Variants in BEND7 observed in about 807,000 individuals in gnomAD.
BEND7 encodes BEN domain containing 7, also known as BEN domain-containing protein 7.
A neutral mutation model predicts 50.9 loss-of-function variants in BEND7; 28 were observed. The observed-to-expected ratio is 0.55, with a 90% CI of 0.41 to 0.75. BEND7 has a LOEUF of 0.75. Ranked by LOEUF, BEND7 falls within the 30% of genes least tolerant of loss-of-function variation. The probability of loss-of-function intolerance (pLI) is 0.00; values close to 1 mark genes in which losing one functional copy is unlikely to be tolerated. For synonymous variants in BEND7, 170 were observed against 183.9 expected, an observed-to-expected ratio of 0.92 and a Z score of 0.61; for missense variants, 477 against 491.3, an observed-to-expected ratio of 0.97 and a Z score of 0.28.
chr10:13,463,637 G>GA (rs1364889189), intron 6 of BEND7, among the ~76,000 whole-genome samples: 2 of 150,198 alleles, frequency 1.3e-5, no homozygotes, highest in Admixed American at 6.6e-5. Context: ...AACTTTGTTG[G>GA]AAAAAAAAAT....
intron 6 of BEND7, among the ~76,000 whole-genome samples, chr10:13,477,557 G>A (rs1267683940): frequency 6.6e-6 from 1 of 152,158 alleles, no homozygotes; most frequent in Non-Finnish European, 1.5e-5. Flanking sequence ...AAATCGCTTC[G>A]TATTGTAACG....
chr10:13,470,253 T>C (rs1369934184), intron 6 of BEND7, among the ~76,000 whole-genome samples: 1 of 152,250 alleles, frequency 6.6e-6, no homozygotes, highest in Non-Finnish European at 1.5e-5. Context: ...GAAAGGTGTC[T>C]TTCCTCAAGA....
At chr10:13,444,275 T>C (rs146476842) in intron 8 of BEND7, 1 of 152,296 alleles carries the variant, frequency 6.6e-6, no homozygotes, top group East Asian at 1.9e-4. Flanking sequence ...GAAACTAAAA[T>C]AGATGCACTA....
chr10:13,500,366 G>C, intron 2 of BEND7: 1 of 483,594 alleles, frequency 2.1e-6, no homozygotes, highest in Non-Finnish European at 3.1e-6. Context: ...TTCCCTCTTT[G>C]GAAGCATTTT....
In BEND7 at chr10:13,492,096, T is replaced by C. The variant is rs538614771; in HGVS notation, c.837+515A>G. On this transcript the variant is annotated intron_variant, in intron 5 of 8. Coordinates refer to ENST00000466271, the MANE Select transcript of BEND7 (RefSeq NM_001369863.1). ...CTGTGATATTAAAATAGAAAAACCT[T>C]TGCAGAGCCTTAACCTATCATTACA... 2.0e-5 allele frequency among the ~76,000 whole-genome samples: 3 copies of C among 152,182 alleles called. No individual in the cohort carries two copies. In the South Asian group the frequency reaches 6.2e-4, roughly 32 times the overall value.
chr10:13,454,999 C>G lies in BEND7; in HGVS notation c.1064-2341G>C, dbSNP rs1444507935. Among the ~76,000 whole-genome samples the G allele has an allele frequency of 2.0e-5, 3 of 152,114 alleles. No homozygotes were observed. The East Asian group carries it at 5.8e-4, about 29-fold the overall frequency. ...CCAGCCTGGCCAACACAGTGAAACC[C>G]CATCTCTACTAAAAATAAAAACATT... On this transcript the variant is annotated intron_variant, in intron 6 of 8. Coordinates refer to ENST00000466271, the MANE Select transcript of BEND7 (RefSeq NM_001369863.1).
At chr10:13,469,736 A>G (rs2074619437) in intron 6 of BEND7, among the ~76,000 whole-genome samples, 1 of 152,150 alleles carries the variant, frequency 6.6e-6, no homozygotes, top group Non-Finnish European at 1.5e-5. Context: ...CAACCTCCCA[A>G]AGTGCTGGGA....
In BEND7 at chr10:13,499,765, T is replaced by C. The variant is rs748440563; in HGVS notation, c.448+13A>G. The C allele has an allele frequency of 3.3e-5, 52 of 1,586,642 alleles. No individual in the cohort carries two copies. The highest frequency in any genetic ancestry group is 3.9e-5 in the Non-Finnish European group (45 of 1,162,592). On this transcript the variant is annotated intron_variant, in intron 3 of 8. Coordinates refer to ENST00000466271, the MANE Select transcript of BEND7 (RefSeq NM_001369863.1). ...CCCATGAGAGCCTTCTGAATGTTTG[T>C]TGACAACCATACCATTGGAGCTCGT...
At position 13,441,441 on chromosome 10, in the gene BEND7, C is replaced by T; in HGVS notation, c.*302G>A. 1.8e-6 allele frequency: 2 copies of T among 1,124,882 alleles called. No individual in the cohort carries two copies. Among genetic ancestry groups the T allele is most frequent in the South Asian group, 4.2e-5 (1 of 23,916 alleles). 69.7% of individuals were successfully genotyped at this position (1,124,882 alleles called of 1,614,324 possible). ...CGTATTTCCAGTGTGTAGATCCGTT[C>T]ATCGCACACATCTTTGGGTTGAACA... On this transcript the variant is annotated 3_prime_UTR_variant, in exon 9 of 9. Coordinates refer to ENST00000466271, the MANE Select transcript of BEND7 (RefSeq NM_001369863.1).
At chr10:13,463,189 G>C (rs900993071) in intron 6 of BEND7, among the ~76,000 whole-genome samples, 32 of 69,510 alleles carry the variant, frequency 4.6e-4, no homozygotes, top group Admixed American at 6.9e-4. Flanking sequence ...ATGAACAGCA[G>C]AATATAAAAT....
intron 8 of BEND7, chr10:13,446,003 T>G (rs912760259): frequency 6.6e-6 from 1 of 152,186 alleles, no homozygotes; most frequent in Admixed American, 6.5e-5. Context: ...TGCCCTGATA[T>G]TCAGAGAATG....
chr10:13,512,143 T>C (rs141211424), intron 2 of BEND7, among the ~76,000 whole-genome samples: 2 of 152,114 alleles, frequency 1.3e-5, no homozygotes, highest in Non-Finnish European at 2.9e-5. Flanking sequence ...AGTTGGAAAT[T>C]TGTACTTGGG....
intron 2 of BEND7, among the ~76,000 whole-genome samples, chr10:13,510,843 G>A (rs1012305957): frequency 6.6e-6 from 1 of 152,100 alleles, no homozygotes; most frequent in African/African-American, 2.4e-5. Flanking sequence ...TGGTAATAGT[G>A]GTTATCACTG....
chr10:13,502,449 C>T (rs931056518), intron 2 of BEND7, among the ~76,000 whole-genome samples: 1 of 152,016 alleles, frequency 6.6e-6, no homozygotes. Context: ...GTGAAAATTA[C>T]AATATATAAA....
In BEND7 at chr10:13,492,675, T is replaced by C. The variant is rs2076747766; in HGVS notation, c.773A>G (p.His258Arg). Residue 258 changes from histidine to arginine, a missense_variant, in exon 5 of 9, where the codon CAC (histidine) becomes CGC (arginine). His to Arg is a conservative substitution (Grantham distance 29). Coordinates refer to ENST00000466271, the MANE Select transcript of BEND7 (RefSeq NM_001369863.1). ...AACGCGGCTCTCCTCCGGGGAGGTG[T>C]GCTCGGCTGCCTGGAGAGCAGATAG... ...SELSALQAAE[H>R]TSPEESRVLG... The C allele has an allele frequency of 1.2e-6, 2 of 1,614,080 alleles. No individual in the cohort carries two copies. Among genetic ancestry groups the C allele is most frequent in the African/African-American group, 2.7e-5 (2 of 74,938 alleles).
At chr10:13,458,067 T>C (rs1163814541) in intron 6 of BEND7, among the ~76,000 whole-genome samples, 1 of 152,256 alleles carries the variant, frequency 6.6e-6, no homozygotes, top group African/African-American at 2.4e-5. Context: ...CTGCTTAGTA[T>C]AATTTGAGTT....
At chr10:13,497,812 G>A (rs1185365092) in intron 3 of BEND7, among the ~76,000 whole-genome samples, 1 of 152,128 alleles carries the variant, frequency 6.6e-6, no homozygotes, top group African/African-American at 2.4e-5. Flanking sequence ...AGCAAGGTAA[G>A]TTCCATGGTT....
intron 7 of BEND7, among the ~76,000 whole-genome samples, chr10:13,451,030 T>A (rs1249532173): frequency 6.6e-6 from 1 of 151,952 alleles, no homozygotes; most frequent in Non-Finnish European, 1.5e-5. Flanking sequence ...GGTCTCAGCA[T>A]CTGACAATAG....
At chr10:13,511,980 C>T (rs570087591) in intron 2 of BEND7, among the ~76,000 whole-genome samples, 33 of 152,256 alleles carry the variant, frequency 2.2e-4, no homozygotes, top group African/African-American at 7.7e-4. Flanking sequence ...CACAACAAGA[C>T]GTGGGTGCCG....
Sources: gnomAD v4.1 joint callset for allele counts (sites outside exome capture counted in the v4.1 genomes callset) on GRCh38, gnomAD v4.1.1 for gene constraint, MANE v1.5 for transcripts, NCBI Gene and HGNC (gene_info 2026-07-23, HGNC 2026-07-21) for gene names.